Variants in UBA1 observed in about 807,000 individuals in gnomAD.
UBA1 encodes the protein ubiquitin like modifier activating enzyme 1, also known as ubiquitin-like modifier-activating enzyme 1.
A neutral mutation model predicts 84.7 loss-of-function variants in UBA1; 4 were observed. The ratio of observed to expected loss-of-function variants is 0.05; its 90% CI spans 0.02 to 0.11. The LOEUF is 0.11. Ranked by LOEUF, UBA1 falls within the 10% of genes least tolerant of loss-of-function variation. The probability of loss-of-function intolerance (pLI) is 1.00; values close to 1 mark genes in which losing one functional copy is unlikely to be tolerated. For synonymous variants in UBA1, 364 were observed against 362.6 expected (o/e 1.00, Z -0.04); for missense variants, 513 against 902.8 (o/e 0.57, Z 5.53).
chrX:47,196,511 G>A (rs1050532239), intron 1 of UBA1, among the ~76,000 whole-genome samples: 24 of 111,562 alleles, frequency 2.2e-4, no homozygotes, highest in Admixed American at 8.6e-4. Context: ...TTGCCAAACA[G>A]TTCACAGTGT....
Position 47,213,122 on chromosome X carries a change from C to T in UBA1, c.2779C>T (p.Leu927Phe). 8.3e-7 allele frequency: 1 copy of T among 1,211,828 alleles called. No individual in the cohort carries two copies. The highest frequency in any genetic ancestry group is 1.1e-6 in the Non-Finnish European group (1 of 895,562). Reference sequence around the variant, plus strand: ...GCTTGACTCCTACAAGAATGGTTTCCTCAACTTGGCCCTGCCTTTCTTTGG... The same window carrying T: ...GCTTGACTCCTACAAGAATGGTTTCTTCAACTTGGCCCTGCCTTTCTTTGG... The part of the protein sequence containing the change: ...RQLDSYKNGF[L>F]NLALPFFGFS... Residue 927 changes from leucine to phenylalanine, a missense_variant, in exon 23 of 26, where the codon CTC becomes TTC. Leu to Phe is a conservative substitution (Grantham distance 22). Coordinates refer to ENST00000335972, the MANE Select transcript of UBA1 (RefSeq NM_003334.4).
intron 15 of UBA1, 38 bp downstream of exon 15, chrX:47,206,151 T>C (rs1037879619): frequency 8.4e-7 from 1 of 1,184,697 alleles, no homozygotes; most frequent in Admixed American, 2.4e-5. Context: ...ACGGGCAAAG[T>C]TGTGTGTGTT....
intron 20 of UBA1, 106 bp downstream of exon 20, chrX:47,211,331 C>T: frequency 1.0e-6 from 1 of 957,171 alleles, no homozygotes; most frequent in Non-Finnish European, 1.5e-6. Context: ...TCTGTGACCC[C>T]AGGCCTGAGG....
intron 20 of UBA1, among the ~76,000 whole-genome samples, 167 bp downstream of exon 20, chrX:47,211,392 G>A (rs1376667514): frequency 9.0e-6 from 1 of 111,548 alleles, no homozygotes; most frequent in Non-Finnish European, 1.9e-5. Flanking sequence ...AGGGTAGGTT[G>A]GGGCAAATTA....
intron 14 of UBA1, among the ~76,000 whole-genome samples, chrX:47,204,106 C>CCTTCTTTTTG (rs1197549224): frequency 9.5e-6 from 1 of 105,370 alleles, no homozygotes; most frequent in Non-Finnish European, 1.9e-5. Flanking sequence ...TGCCAGAAGC[C>CCTTCTTTTTG]CTTCTTTTTG....
At chrX:47,203,386 A>T (rs1556789299) in intron 13 of UBA1, among the ~76,000 whole-genome samples, 155 bp from the exon 14 acceptor site, 1 of 112,226 alleles carries the variant, frequency 8.9e-6, no homozygotes, top group Non-Finnish European at 1.9e-5. Context: ...CTCCTTCCTC[A>T]CATGACTGCG....
intron 16 of UBA1, 102 bp downstream of exon 16, chrX:47,206,546 G>C: frequency 1.2e-6 from 1 of 850,928 alleles, no homozygotes; most frequent in African/African-American, 2.0e-5. Flanking sequence ...GCATGCCTAA[G>C]TGTAAGATGT....
At chrX:47,197,541 T>C in intron 1 of UBA1, 1 of 754,351 alleles carries the variant, frequency 1.3e-6, no homozygotes, top group South Asian at 6.7e-5. Flanking sequence ...GCACTTGGGG[T>C]GAGGGGAAGT....
At chrX:47,202,283 TG>T (rs782343242) in intron 9 of UBA1, 30 bp downstream of exon 9, 12 of 1,205,136 alleles carry the variant, frequency 1.0e-5, no homozygotes, top group South Asian at 1.8e-5. Flanking sequence ...CAGTGGGCTG[TG>T]GGGGGTGGTT....
rs1556794804 is a variant in UBA1, at chrX:47,214,913, G to A, written c.3161G>A (p.Arg1054Gln). The part of the protein sequence containing the change: ...SGEDVEVPYV[R>Q]YTIR Reference sequence around the variant, plus strand: ...GAGGATGTCGAGGTTCCCTATGTCCGATACACCATCCGCTGACCCCGTCTG... The same window carrying A: ...GAGGATGTCGAGGTTCCCTATGTCCAATACACCATCCGCTGACCCCGTCTG... The change falls in exon 26 of 26, where the codon CGA becomes CAA. Residue 1054 changes from arginine (R) to glutamine (Q), a missense_variant. Physicochemically the swap from Arg to Gln is conservative, Grantham distance 43. This residue lies in a region of UBA1 where 151 missense variants were observed against 260.1 expected (regional missense o/e 0.58). Transcript: ENST00000335972. 4 of 1,210,774 alleles carry A rather than the reference G, an allele frequency of 3.3e-6. No homozygotes were observed. Among genetic ancestry groups the A allele is most frequent in the South Asian group, 1.8e-5 (1 of 56,993 alleles).
intron 1 of UBA1, chrX:47,197,202 G>T (rs1335817757): frequency 5.3e-6 from 4 of 753,784 alleles, no homozygotes; most frequent in Non-Finnish European, 6.3e-6. Context: ...TGTGGACTGG[G>T]CCCTGAGCCC....
At position 47,211,090 on chromosome X, in the gene UBA1, G is replaced by A. The variant is rs868922840; in HGVS notation, c.2329G>A (p.Gly777Arg). Residue 777 changes from glycine (G) to arginine (R), a missense_variant, in exon 20 of 26, where the codon GGG becomes AGG. Transcript: ENST00000335972. ...AAANLFAQTY[G>R]LTGSQDRAAV... ...TGCCAACCTGTTTGCCCAGACCTACGGGCTGACAGGCTCTCAGGACCGAGC... is the reference window on the plus strand; with the variant it reads ...TGCCAACCTGTTTGCCCAGACCTACAGGCTGACAGGCTCTCAGGACCGAGC... The A allele has an allele frequency of 8.3e-6, 10 of 1,209,878 alleles. No homozygotes were observed. The African/African-American group carries it at 8.8e-5, about 11-fold the overall frequency.
In UBA1 at chrX:47,212,792, A is replaced by G. The variant is rs782649232; in HGVS notation, c.2575A>G (p.Met859Val). 8.3e-7 allele frequency: 1 copy of G among 1,209,539 alleles called. No individual in the cohort carries two copies. Among genetic ancestry groups the G allele is most frequent in the African/African-American group, 1.8e-5 (1 of 57,086 alleles). ...ACAGGATGATGACAGCAACTTTCAT[A>G]TGGATTTCATCGTGGCTGCATCCAA... is the stretch of plus-strand genomic sequence containing the variant. ...FEKDDDSNFH[M>V]DFIVAASNLR... Residue 859 changes from methionine (M) to valine (V), a missense_variant, in exon 22 of 26, where the codon ATG becomes GTG. This residue lies in a region of UBA1 where 151 missense variants were observed against 260.1 expected (regional missense o/e 0.58). Coordinates refer to ENST00000335972, the MANE Select transcript of UBA1 (RefSeq NM_003334.4).
At position 47,198,793 on chromosome X, in the gene UBA1, T is replaced by C. The variant is rs782750595; in HGVS notation, c.1-10T>C. 8.3e-7 allele frequency: 1 copy of C among 1,211,030 alleles called. No individual in the cohort carries two copies. The highest frequency in any genetic ancestry group is 3.0e-5 in the East Asian group (1 of 33,832). On this transcript the variant is annotated splice_polypyrimidine_tract_variant and intron_variant, in intron 1 of 25. Transcript: ENST00000335972. ...GCTCCAGGGTCACCTCTGACCTTTTTTTCCTCCAGATGTCCAGCTCGCCGC... is the reference window on the plus strand; with the variant it reads ...GCTCCAGGGTCACCTCTGACCTTTTCTTCCTCCAGATGTCCAGCTCGCCGC...
chrX:47,191,798 C>G (rs782244122), upstream of UBA1: 5 of 112,015 alleles, frequency 4.5e-5, no homozygotes, highest in Admixed American at 1.9e-4. Context: ...TCATGAGGAG[C>G]GTGGCTTTTG....
At chrX:47,206,227 C>T in intron 15 of UBA1, 21 bp from the exon 16 acceptor site, 2 of 1,194,506 alleles carry the variant, frequency 1.7e-6, no homozygotes, top group Non-Finnish European at 2.3e-6. Flanking sequence ...TTTCCTAGCT[C>T]TCGCTTTGTG....
rs200690232 is a variant in UBA1, at chrX:47,201,462, C to T, written c.679-16C>T. 1.7e-5 allele frequency: 20 copies of T among 1,210,487 alleles called. No individual in the cohort carries two copies. In the Admixed American group the frequency reaches 2.8e-4, roughly 17 times the overall value. On this transcript the variant is annotated splice_polypyrimidine_tract_variant and intron_variant, in intron 7 of 25. Coordinates refer to ENST00000335972, the MANE Select transcript of UBA1 (RefSeq NM_003334.4). ...ACCCTGGGCCTGTTTCTGAGACTCACTCTTCCTTTAACCAGGACAACCCCG... is the reference window on the plus strand; with the variant it reads ...ACCCTGGGCCTGTTTCTGAGACTCATTCTTCCTTTAACCAGGACAACCCCG...
chrX:47,204,455 T>C (rs1192211648), intron 14 of UBA1, among the ~76,000 whole-genome samples: 1 of 111,612 alleles, frequency 9.0e-6, no homozygotes, highest in African/African-American at 3.3e-5. Flanking sequence ...ACATGAAATG[T>C]TGCCAACCAG....
At chrX:47,197,241 A>G in intron 1 of UBA1, 1 of 755,015 alleles carries the variant, frequency 1.3e-6, no homozygotes, top group Non-Finnish European at 1.6e-6. Context: ...GTCCCCCACC[A>G]GCTGCATGCC....
Sources: gnomAD v4.1 joint callset for allele counts (sites outside exome capture counted in the v4.1 genomes callset) on GRCh38, gnomAD v4.1.1 for gene constraint, gnomAD v4.1.1 regional missense constraint, MANE v1.5 for transcripts, NCBI Gene and HGNC (gene_info 2026-07-23, HGNC 2026-07-21) for gene names.